LPIN2: variants seen among roughly 807,000 people sequenced by gnomAD.
LPIN2 encodes the protein phosphatidate phosphatase LPIN2.
LPIN2 carries 55 observed loss-of-function variants against 111.4 expected under a neutral mutation model. That is an observed-to-expected ratio of 0.49 (90% CI 0.40 to 0.62). The LOEUF is 0.62. Ranked by LOEUF, LPIN2 falls within the 20% of genes least tolerant of loss-of-function variation. The pLI is 0.00. For missense variants in LPIN2, 992 were observed against 1,112.1 expected (o/e 0.89, Z 1.54); for synonymous variants, 425 against 414.0 (o/e 1.03, Z -0.32).
chr18:2,971,366 G>A (rs1279308143), intron 1 of LPIN2, among the ~76,000 whole-genome samples: 2 of 152,156 alleles, frequency 1.3e-5, no homozygotes, highest in East Asian at 1.9e-4. Context: ...TGGGCTCAGC[G>A]GCTGAGAAGA....
intron 1 of LPIN2, among the ~76,000 whole-genome samples, chr18:3,004,633 T>C (rs1598615224): frequency 1.3e-5 from 2 of 152,308 alleles, no homozygotes; most frequent in East Asian, 1.9e-4. Flanking sequence ...GGGAAAATCC[T>C]TGAAGAAGGC....
chr18:2,997,968 G>A (rs1260200795), intron 1 of LPIN2, among the ~76,000 whole-genome samples: 1 of 152,242 alleles, frequency 6.6e-6, no homozygotes, highest in Admixed American at 6.5e-5. Flanking sequence ...CATGGTGACC[G>A]TGAGGCAGAG....
At chr18:3,011,857 G>A (rs2078609977) in intron 1 of LPIN2, 2 of 152,316 alleles carry the variant, frequency 1.3e-5, no homozygotes, top group African/African-American at 2.4e-5. Flanking sequence ...TGCTGCAGGA[G>A]GACCAGCCCA....
At chr18:3,004,935 G>A (rs563762028) in intron 1 of LPIN2, among the ~76,000 whole-genome samples, 2 of 152,180 alleles carry the variant, frequency 1.3e-5, no homozygotes, top group Admixed American at 6.5e-5. Context: ...CCATCTTCCC[G>A]GCTGGTATTT....
intron 4 of LPIN2, chr18:2,946,833 A>T (rs2077459965): frequency 2.6e-6 from 1 of 391,220 alleles, no homozygotes; most frequent in Non-Finnish European, 4.7e-6. Context: ...GCACAGTACG[A>T]GTCAACGAAT....
Position 2,934,453 on chromosome 18 carries a change from G to T in LPIN2, c.1169-3C>A, listed in dbSNP as rs200259086. The T allele has an allele frequency of 6.3e-6, 10 of 1,588,576 alleles. No individual in the cohort carries two copies. Among genetic ancestry groups the T allele is most frequent in the Non-Finnish European group, 8.6e-6 (10 of 1,157,548 alleles). The stretch of plus-strand genomic sequence containing the variant: ...GTGTTGGCTTCTTTTGTGAACACCT[G>T]TTTAAAAAAAAAATCAGAGGTAAGA... On this transcript the variant is annotated splice_region_variant and splice_polypyrimidine_tract_variant and intron_variant, in intron 7 of 19. Coordinates refer to ENST00000677752, the MANE Select transcript of LPIN2 (RefSeq NM_001375808.2).
At chr18:2,945,424 T>C (rs943658328) in intron 4 of LPIN2, 1 of 625,594 alleles carries the variant, frequency 1.6e-6, no homozygotes, top group Admixed American at 2.8e-5. Flanking sequence ...GAACCTAATG[T>C]TAACCCTGAA....
In LPIN2 at chr18:2,954,581, C is replaced by T. The variant is rs867892532; in HGVS notation, c.211G>A (p.Gly71Ser). 1.9e-6 allele frequency: 3 copies of T among 1,612,170 alleles called. No individual in the cohort carries two copies. The highest frequency in any genetic ancestry group is 1.7e-5 in the Admixed American group (1 of 60,024). Residue 71 changes from glycine to serine, a missense_variant, in exon 3 of 20, where the codon GGC becomes AGC. Gly to Ser is a moderately conservative substitution (Grantham distance 56, BLOSUM62 0). Around this residue, in one of 4 missense-constraint regions of LPIN2, gnomAD observed 67 missense variants for 112.1 expected, o/e 0.60. Coordinates refer to ENST00000677752, the MANE Select transcript of LPIN2 (RefSeq NM_001375808.2). ...TTCATGTGAAGATCCACTGCACTGCCGTTGATTTCTATATCAATCTATGGG... is the reference window on the plus strand; with the variant it reads ...TTCATGTGAAGATCCACTGCACTGCTGTTGATTTCTATATCAATCTATGGG... ...KEKVIDIEIN[G>S]SAVDLHMKLG...
intron 1 of LPIN2, among the ~76,000 whole-genome samples, chr18:2,973,193 TAAAAC>T (rs1035005194): frequency 3.3e-5 from 5 of 151,562 alleles, no homozygotes; most frequent in African/African-American, 4.8e-5. Context: ...AGATTTTTCT[TAAAAC>T]AAAAAAAAAA....
At chr18:2,942,849 G>C (rs1262826309) in intron 4 of LPIN2, among the ~76,000 whole-genome samples, 1 of 152,340 alleles carries the variant, frequency 6.6e-6, no homozygotes, top group East Asian at 1.9e-4. Context: ...CTAAGCACGT[G>C]ACGTGAGGCT....
At chr18:2,951,886 A>G (rs1344930192) in intron 3 of LPIN2, among the ~76,000 whole-genome samples, 1 of 152,270 alleles carries the variant, frequency 6.6e-6, no homozygotes, top group East Asian at 1.9e-4. Context: ...AGGCAATTAG[A>G]GACAATACCG....
rs562698968 is a variant in LPIN2 at position 2,945,146 on chromosome 18, T to C, written c.591-4434A>G. 4.6e-5 allele frequency among the ~76,000 whole-genome samples: 7 copies of C among 152,266 alleles called. No individual in the cohort carries two copies. The East Asian group carries it at 7.7e-4, about 17-fold the overall frequency. ...AATCCATGAAAAAAACTGATTAAAA[T>C]TGGACATTTCATTAAAATTGGACAT... On this transcript the variant is annotated intron_variant, in intron 4 of 19. Transcript: ENST00000677752.
rs1284804505 is a variant in LPIN2 at position 2,918,246 on chromosome 18, A to C, written c.*2047T>G. 1 of 152,256 alleles carries C rather than the reference A, an allele frequency of 6.6e-6. No individual in the cohort carries two copies. Among genetic ancestry groups the C allele is most frequent in the East Asian group, 1.9e-4 (1 of 5,200 alleles). 9.4% of individuals were successfully genotyped at this position (152,256 alleles called of 1,614,324 possible). ...TAGACTGAACCCTCTAAGAAGGCCC[A>C]TGTGTCCAAAGAGAAGAGCTGTCAA... On this transcript the variant is annotated 3_prime_UTR_variant, in exon 20 of 20. Coordinates refer to ENST00000677752, the MANE Select transcript of LPIN2 (RefSeq NM_001375808.2).
chr18:2,954,630 T>G, intron 2 of LPIN2, 31 bp from the exon 3 acceptor site: 1 of 1,420,518 alleles, frequency 7.0e-7, no homozygotes, highest in Admixed American at 1.7e-5. Context: ...GACTTAATGT[T>G]CAAGGAGTCT....
chr18:2,980,905 T>C (rs1175313439), intron 1 of LPIN2, among the ~76,000 whole-genome samples: 1 of 152,140 alleles, frequency 6.6e-6, no homozygotes, highest in Non-Finnish European at 1.5e-5. Flanking sequence ...CTAAATGGGG[T>C]GAAAATATGG....
intron 7 of LPIN2, among the ~76,000 whole-genome samples, chr18:2,936,356 T>G (rs1598538359): frequency 6.6e-6 from 1 of 152,168 alleles, no homozygotes; most frequent in African/African-American, 2.4e-5. Flanking sequence ...GTATCGATGG[T>G]TGGCTTTTTA....
chr18:2,986,806 TAA>T (rs1375705365), intron 1 of LPIN2, among the ~76,000 whole-genome samples: 1 of 152,146 alleles, frequency 6.6e-6, no homozygotes, highest in Non-Finnish European at 1.5e-5. Flanking sequence ...ATCTGAACAT[TAA>T]GAGAGTAAAG....
chr18:2,946,262 A>C (rs754823249), intron 4 of LPIN2: 5 of 1,551,304 alleles, frequency 3.2e-6, no homozygotes, highest in Middle Eastern at 3.4e-4. Context: ...GTGTTCCTGA[A>C]ATTTTGGTTT....
intron 1 of LPIN2, among the ~76,000 whole-genome samples, chr18:2,966,835 G>A (rs913950639): frequency 3.9e-5 from 6 of 152,120 alleles, no homozygotes; most frequent in South Asian, 2.1e-4. Flanking sequence ...TGAGGCTTAC[G>A]GACAGAGGTT....
Sources: allele counts gnomAD v4.1 joint callset (sites outside exome capture counted in the v4.1 genomes callset), GRCh38; gene constraint gnomAD v4.1.1; regional missense constraint gnomAD v4.1.1; transcripts MANE v1.5; gene names NCBI Gene and HGNC (gene_info 2026-07-23, HGNC 2026-07-21).